Variants in CNTNAP2 observed in about 807,000 individuals in gnomAD.
CNTNAP2 encodes contactin associated protein 2, also known as contactin-associated protein-like 2.
A neutral mutation model predicts 155.2 loss-of-function variants in CNTNAP2; 98 were observed. The observed-to-expected ratio is 0.63, with a 90% CI of 0.54 to 0.75. The LOEUF (loss-of-function observed/expected upper bound fraction) is 0.75, where lower values mean the gene tolerates loss of function less well. CNTNAP2 is among the 30% of genes least tolerant of loss of function. The probability of loss-of-function intolerance (pLI) is 0.00; values close to 1 mark genes in which losing one functional copy is unlikely to be tolerated. For missense variants in CNTNAP2, 1,727 were observed against 1,688.1 expected (o/e 1.02, Z -0.40); for synonymous variants, 651 against 631.2 (o/e 1.03, Z -0.47).
chr7:146,139,845 A>T (rs1302056038), intron 1 of CNTNAP2, among the ~76,000 whole-genome samples: 1 of 152,190 alleles, frequency 6.6e-6, no homozygotes, highest in African/African-American at 2.4e-5. Flanking sequence ...TACATGCTTG[A>T]GTTCATAGAA....
chr7:148,109,082 A>T (rs1804285792), intron 15 of CNTNAP2, among the ~76,000 whole-genome samples: 1 of 152,218 alleles, frequency 6.6e-6, no homozygotes, highest in South Asian at 2.1e-4. Flanking sequence ...CTCCTCTTCC[A>T]TCTTTCCCCA....
intron 14 of CNTNAP2, among the ~76,000 whole-genome samples, chr7:147,918,526 G>T (rs970167179): frequency 1.3e-5 from 2 of 152,176 alleles, no homozygotes; most frequent in African/African-American, 2.4e-5. Context: ...ACACTGACAC[G>T]TGTATACAAG....
At chr7:147,206,263 TA>T (rs36073630) in intron 8 of CNTNAP2, among the ~76,000 whole-genome samples, 2,933 of 139,084 alleles carry the variant, frequency 0.021, 85 homozygotes, top group African/African-American at 0.071. Flanking sequence ...TAAACCTGTA[TA>T]AAAAAAAAAA....
intron 1 of CNTNAP2, among the ~76,000 whole-genome samples, chr7:146,174,963 CTCA>C (rs908485326): frequency 1.3e-5 from 2 of 152,126 alleles, no homozygotes; most frequent in Non-Finnish European, 2.9e-5. Context: ...TTGCTAAAAT[CTCA>C]TCATAAGGTT....
chr7:146,547,895 A>G lies in CNTNAP2; in HGVS notation c.98-226376A>G, dbSNP rs568893592. Among the ~76,000 whole-genome samples, 3 of 150,552 alleles carry G rather than the reference A, an allele frequency of 2.0e-5. No homozygotes were observed. In the East Asian group the frequency reaches 5.9e-4, roughly 30 times the overall value. On this transcript the variant is annotated intron_variant, in intron 1 of 23. Coordinates refer to ENST00000361727, the MANE Select transcript of CNTNAP2 (RefSeq NM_014141.6). ...ATACGGTTTCCGTAGCAGCTGCACC[A>G]TTTTGCATTCCTACCAATACCATGC...
intron 3 of CNTNAP2, among the ~76,000 whole-genome samples, chr7:146,884,861 T>G (rs1192136143): frequency 6.6e-6 from 1 of 152,290 alleles, no homozygotes; most frequent in African/African-American, 2.4e-5. Flanking sequence ...TTCTAAAAAC[T>G]TGTAGACAAA....
intron 15 of CNTNAP2, among the ~76,000 whole-genome samples, chr7:148,089,912 TAGC>T (rs1301179010): frequency 6.6e-6 from 1 of 151,884 alleles, no homozygotes; most frequent in African/African-American, 2.4e-5. Context: ...CAGCATAGAC[TAGC>T]ATAAATACAG....
chr7:148,091,636 T>C (rs560228200), intron 15 of CNTNAP2, among the ~76,000 whole-genome samples: 21 of 152,320 alleles, frequency 1.4e-4, no homozygotes, highest in Non-Finnish European at 2.9e-4. Flanking sequence ...ATAAAGAACA[T>C]CCAAAGCTGA....
chr7:147,962,020 G>A (rs1801127484), intron 14 of CNTNAP2, among the ~76,000 whole-genome samples: 1 of 150,748 alleles, frequency 6.6e-6, no homozygotes, highest in Non-Finnish European at 1.5e-5. Context: ...GTGCTATGAT[G>A]GGGAATAGAG....
chr7:146,260,626 C>T (rs1799905924), intron 1 of CNTNAP2, among the ~76,000 whole-genome samples: 1 of 152,168 alleles, frequency 6.6e-6, no homozygotes, highest in African/African-American at 2.4e-5. Flanking sequence ...TGAATGGGGC[C>T]TGTAGCCCCT....
intron 9 of CNTNAP2, among the ~76,000 whole-genome samples, chr7:147,333,936 A>G (rs551428990): frequency 6.6e-6 from 1 of 152,260 alleles, no homozygotes; most frequent in African/African-American, 2.4e-5. Context: ...AAGAGGTAAA[A>G]CAGGGCCCTT....
Position 146,926,716 on chromosome 7 carries a change from T to C in CNTNAP2, c.402+86812T>C, listed in dbSNP as rs775262665. On this transcript the variant is annotated intron_variant, in intron 3 of 23. Transcript: ENST00000361727. ...GTTACAGTAGGAATGATATAAAGTC[T>C]ATGAATTAAATTTCACCTAAATATA... Among the ~76,000 whole-genome samples the C allele has an allele frequency of 1.1e-3, 174 of 152,154 alleles. 3 individuals are homozygous for C. Among genetic ancestry groups the C allele is most frequent in the Non-Finnish European group, 3.8e-4 (26 of 67,964 alleles).
rs185316038 is a variant in CNTNAP2, at chr7:146,168,717, C to T, written c.97+51744C>T. 2.0e-4 allele frequency among the ~76,000 whole-genome samples: 30 copies of T among 152,300 alleles called. 1 individual carries two copies. The highest frequency in any genetic ancestry group is 6.5e-4 in the African/African-American group (27 of 41,568). The stretch of plus-strand genomic sequence containing the variant: ...CACTCCTTTCAATTCATTATCATTT[C>T]AAACCTGAAATATTGCAATGACCTA... On this transcript the variant is annotated intron_variant, in intron 1 of 23. Coordinates refer to ENST00000361727, the MANE Select transcript of CNTNAP2 (RefSeq NM_014141.6).
At position 147,109,895 on chromosome 7, in the gene CNTNAP2, G is replaced by GTATT. The variant is rs56065793; in HGVS notation, c.754+1580_754+1583dup. Among the ~76,000 whole-genome samples, 996 of 148,768 alleles carry GTATT rather than the reference G, an allele frequency of 6.7e-3. 4 individuals carry two copies. The highest frequency in any genetic ancestry group is 7.2e-3 in the Middle Eastern group (2 of 276). ...GTTTTATGTGGGGTTGTTGTTATTTGTATTTATTTATTTATTTATTTATTT... is the reference window on the plus strand; with the variant it reads ...GTTTTATGTGGGGTTGTTGTTATTTGTATTTATTTATTTATTTATTTATTTATTT... On this transcript the variant is annotated intron_variant, in intron 5 of 23. Coordinates refer to ENST00000361727, the MANE Select transcript of CNTNAP2 (RefSeq NM_014141.6).
intron 21 of CNTNAP2, among the ~76,000 whole-genome samples, chr7:148,361,333 G>A (rs533503010): frequency 1.6e-4 from 25 of 152,230 alleles, no homozygotes; most frequent in African/African-American, 5.3e-4. Context: ...GGGATTACAC[G>A]CAGTCTTCAG....
intron 1 of CNTNAP2, among the ~76,000 whole-genome samples, chr7:146,590,939 A>G (rs1350258351): frequency 6.6e-6 from 1 of 152,028 alleles, no homozygotes; most frequent in Non-Finnish European, 1.5e-5. Flanking sequence ...AGATTTTTTT[A>G]CTGTTAAGTT....
rs1050684235 is a variant in CNTNAP2, at chr7:148,416,397, G to T, written c.*781G>T. On this transcript the variant is annotated 3_prime_UTR_variant, in exon 24 of 24. Transcript: ENST00000361727. ...AGACCAATAGCTGTAACTATCAGCT[G>T]CAATACCATGGTGACCAGCTGTTAC... The T allele has an allele frequency of 1.3e-5, 2 of 152,192 alleles. No individual in the cohort carries two copies. The highest frequency in any genetic ancestry group is 4.8e-5 in the African/African-American group (2 of 41,416). 9.4% of individuals were successfully genotyped at this position (152,192 alleles called of 1,614,324 possible). A position where few individuals can be genotyped will look rare whatever the true frequency, so the allele number is the denominator to read the frequency against.
At chr7:146,172,660 G>A (rs193038609) in intron 1 of CNTNAP2, among the ~76,000 whole-genome samples, 17 of 152,024 alleles carry the variant, frequency 1.1e-4, no homozygotes, top group African/African-American at 3.4e-4. Flanking sequence ...TGATCATTAC[G>A]TGTTTTCATT....
chr7:147,173,475 A>G (rs902779808), intron 8 of CNTNAP2, among the ~76,000 whole-genome samples: 1 of 152,214 alleles, frequency 6.6e-6, no homozygotes, highest in Non-Finnish European at 1.5e-5. Context: ...GTTATTACCT[A>G]TAAAGCAGAT....
Sources: allele counts gnomAD v4.1 joint callset (sites outside exome capture counted in the v4.1 genomes callset), GRCh38; gene constraint gnomAD v4.1.1; transcripts MANE v1.5; gene names NCBI Gene and HGNC (gene_info 2026-07-23, HGNC 2026-07-21).